Variants in NFAT5 observed in about 807,000 individuals in gnomAD.
NFAT5 encodes nuclear factor of activated T cells 5.
NFAT5 carries 31 observed loss-of-function variants against 166.5 expected under a neutral mutation model. The ratio of observed to expected loss-of-function variants is 0.19; its 90% CI spans 0.14 to 0.25. The LOEUF (loss-of-function observed/expected upper bound fraction) is 0.25. NFAT5 is among the 10% of genes least tolerant of loss of function. NFAT5 has a pLI of 1.00. For missense variants in NFAT5, 1,449 were observed against 1,821.8 expected, an observed-to-expected ratio of 0.80 and a Z score of 3.72; for synonymous variants, 612 against 639.7, an observed-to-expected ratio of 0.96 and a Z score of 0.65.
chr16:69,701,429 C>T lies in NFAT5; in HGVS notation c.*5078C>T, dbSNP rs988672407. 6.6e-6 allele frequency: 1 copy of T among 152,548 alleles called. No individual in the cohort carries two copies. Among genetic ancestry groups the T allele is most frequent in the East Asian group, 1.9e-4 (1 of 5,200 alleles). The allele number at this position is 152,548 out of a possible 1,614,324, so 9.4% of individuals were successfully genotyped here. ...TTTCATTTTTCACTATTTCCAAAAACACATAAACAAATAGTTTCAGTAGGT... is the reference window on the plus strand; with the variant it reads ...TTTCATTTTTCACTATTTCCAAAAATACATAAACAAATAGTTTCAGTAGGT... On this transcript the variant is annotated 3_prime_UTR_variant, in exon 15 of 15. Coordinates refer to ENST00000349945, the MANE Select transcript of NFAT5 (RefSeq NM_138713.4).
chr16:69,587,524 G>A (rs2032157212), intron 2 of NFAT5, among the ~76,000 whole-genome samples: 1 of 151,524 alleles, frequency 6.6e-6, no homozygotes, highest in Non-Finnish European at 1.5e-5. Flanking sequence ...TAAGTAGCTG[G>A]GACTACAGGC....
intron 3 of NFAT5, among the ~76,000 whole-genome samples, chr16:69,637,065 T>C (rs554246670): frequency 2.6e-5 from 4 of 152,200 alleles, no homozygotes; most frequent in Non-Finnish European, 5.9e-5. Context: ...AGAAATATCT[T>C]CCACTAGATA....
At chr16:69,594,351 TA>T (rs1433210903) in intron 2 of NFAT5, among the ~76,000 whole-genome samples, 1 of 152,204 alleles carries the variant, frequency 6.6e-6, no homozygotes, top group East Asian at 1.9e-4. Context: ...ACAGACGAGG[TA>T]ACACGTGGCA....
intron 2 of NFAT5, among the ~76,000 whole-genome samples, chr16:69,601,816 C>G (rs1371224035): frequency 6.6e-6 from 1 of 152,168 alleles, no homozygotes; most frequent in African/African-American, 2.4e-5. Context: ...GAGTACTGTT[C>G]TAAGTACTTA....
chr16:69,609,365 T>C (rs1353418948), intron 2 of NFAT5, among the ~76,000 whole-genome samples: 3 of 152,308 alleles, frequency 2.0e-5, no homozygotes, highest in African/African-American at 7.2e-5. Flanking sequence ...TGTAAACCCC[T>C]ATTCAGTAGT....
At chr16:69,609,749 GGT>G (rs2151554227) in intron 2 of NFAT5, among the ~76,000 whole-genome samples, 1 of 149,074 alleles carries the variant, frequency 6.7e-6, no homozygotes, top group African/African-American at 2.5e-5. Flanking sequence ...GAGAGGCCAA[GGT>G]GGTAGAATTG....
intron 2 of NFAT5, among the ~76,000 whole-genome samples, chr16:69,623,510 T>C (rs2034296145): frequency 6.6e-6 from 1 of 151,136 alleles, no homozygotes; most frequent in African/African-American, 2.4e-5. Flanking sequence ...ATTATTATTA[T>C]TGTTATTTTT....
chr16:69,702,978 T>C lies in NFAT5; in HGVS notation c.*6627T>C, dbSNP rs927614691. On this transcript the variant is annotated 3_prime_UTR_variant, in exon 15 of 15. Transcript: ENST00000349945. Reference sequence around the variant, plus strand: ...ACATTAAATGACTGATTTAAATATATAGGTGCAATGTTCTATGTTTATTTT... The same window carrying C: ...ACATTAAATGACTGATTTAAATATACAGGTGCAATGTTCTATGTTTATTTT... The C allele has an allele frequency of 2.6e-5, 4 of 152,678 alleles. No individual in the cohort carries two copies. Among genetic ancestry groups the C allele is most frequent in the African/African-American group, 7.2e-5 (3 of 41,460 alleles). 9.5% of individuals were successfully genotyped at this position (152,678 alleles called of 1,614,324 possible).
intron 2 of NFAT5, among the ~76,000 whole-genome samples, chr16:69,608,918 G>T (rs1348394595): frequency 6.6e-6 from 1 of 151,766 alleles, no homozygotes. Context: ...TCAGGAGATC[G>T]AGACCATCCT....
At chr16:69,685,434 C>G (rs1407003515) in intron 11 of NFAT5, 1 of 151,600 alleles carries the variant, frequency 6.6e-6, no homozygotes, top group Non-Finnish European at 1.5e-5. Context: ...GTAGTCCCAG[C>G]TGCTCGGGAG....
At chr16:69,682,503 C>T (rs979989829) in intron 10 of NFAT5, among the ~76,000 whole-genome samples, 1 of 151,530 alleles carries the variant, frequency 6.6e-6, no homozygotes, top group Non-Finnish European at 1.5e-5. Flanking sequence ...ACCTGTAGTC[C>T]CAGCTACTTG....
At chr16:69,585,141 G>A (rs889808445) in intron 2 of NFAT5, among the ~76,000 whole-genome samples, 3 of 152,048 alleles carry the variant, frequency 2.0e-5, no homozygotes, top group Non-Finnish European at 2.9e-5. Context: ...GGGACTACAG[G>A]CAGATGCCAC....
intron 2 of NFAT5, among the ~76,000 whole-genome samples, chr16:69,577,081 T>A (rs1244541643): frequency 1.3e-5 from 2 of 152,210 alleles, no homozygotes; most frequent in African/African-American, 4.8e-5. Context: ...TTTATTAATT[T>A]ACTTTGGTTC....
chr16:69,601,773 C>G (rs554025922), intron 2 of NFAT5, among the ~76,000 whole-genome samples: 3 of 152,178 alleles, frequency 2.0e-5, no homozygotes, highest in Admixed American at 1.3e-4. Context: ...TTGTAATGAA[C>G]ATAGTACAAA....
chr16:69,679,782 T>C (rs1467925071), intron 10 of NFAT5, among the ~76,000 whole-genome samples: 3 of 152,124 alleles, frequency 2.0e-5, no homozygotes, highest in Non-Finnish European at 4.4e-5. Flanking sequence ...GTTTCCTTTC[T>C]AGGAAGGCTT....
intron 3 of NFAT5, among the ~76,000 whole-genome samples, chr16:69,638,919 C>T (rs910407005): frequency 2.0e-5 from 3 of 151,844 alleles, no homozygotes; most frequent in African/African-American, 7.3e-5. Context: ...CTTAAAGTGA[C>T]ATTATCTTTC....
At chr16:69,636,846 T>G (rs970656558) in intron 3 of NFAT5, among the ~76,000 whole-genome samples, 42 of 152,212 alleles carry the variant, frequency 2.8e-4, no homozygotes, top group African/African-American at 1.0e-3. Flanking sequence ...GGAGACATTT[T>G]CCTCATGGTC....
At chr16:69,666,293 T>C (rs1016712457) in intron 7 of NFAT5, among the ~76,000 whole-genome samples, 3 of 151,538 alleles carry the variant, frequency 2.0e-5, no homozygotes, top group African/African-American at 7.3e-5. Flanking sequence ...CCAAAAGCAA[T>C]GGCAACCAAA....
At position 69,692,127 on chromosome 16, in the gene NFAT5, G is replaced by A. The variant is rs1466002226; in HGVS notation, c.2302G>A (p.Ala768Thr). ...QQQQSPLQEQ[A>T]QTLQQQISSN... ...GCAGCAGTCACCACTACAAGAACAA[G>A]CACAGACTTTACAGCAGCAGATTTC... The change falls in exon 13 of 15, where the codon GCA becomes ACA. Residue 768 changes from alanine (A) to threonine (T), a missense_variant. Ala to Thr is a moderately conservative substitution (Grantham distance 58, BLOSUM62 0). Coordinates refer to ENST00000349945, the MANE Select transcript of NFAT5 (RefSeq NM_138713.4). The A allele has an allele frequency of 1.9e-6, 3 of 1,613,992 alleles. No homozygotes were observed. Among genetic ancestry groups the A allele is most frequent in the African/African-American group, 2.7e-5 (2 of 74,912 alleles).
Sources: allele counts gnomAD v4.1 joint callset (sites outside exome capture counted in the v4.1 genomes callset), GRCh38; gene constraint gnomAD v4.1.1; transcripts MANE v1.5; gene names NCBI Gene and HGNC (gene_info 2026-07-23, HGNC 2026-07-21).